The following ESRRG variants were observed in gnomAD, a reference collection of about 807,000 sequenced individuals.
ESRRG encodes the protein estrogen related receptor gamma.
ESRRG carries 13 observed loss-of-function variants against 44.0 expected under a neutral mutation model. The observed-to-expected ratio is 0.30, with a 90% CI of 0.19 to 0.47. The LOEUF (loss-of-function observed/expected upper bound fraction) is 0.47. ESRRG is among the 20% of genes least tolerant of loss of function. The pLI, the probability that ESRRG is intolerant of heterozygous loss-of-function variation, is 1.00. For missense variants in ESRRG, 395 were observed against 580.6 expected (o/e 0.68, Z 3.29); for synonymous variants, 215 against 214.6 (o/e 1.00, Z -0.02).
At chr1:216,655,305 C>T (rs1383181095) in intron 2 of ESRRG, among the ~76,000 whole-genome samples, 4 of 152,002 alleles carry the variant, frequency 2.6e-5, no homozygotes, top group Non-Finnish European at 5.9e-5. Context: ...GGAGACAAGA[C>T]GTGTAAATAA....
intron 2 of ESRRG, among the ~76,000 whole-genome samples, chr1:216,936,255 C>T (rs2064134986): frequency 6.6e-6 from 1 of 151,904 alleles, no homozygotes; most frequent in African/African-American, 2.4e-5. Flanking sequence ...CTTCTTGTAC[C>T]ATGTGTCCAA....
chr1:216,606,472 A>C (rs958851546), intron 3 of ESRRG, among the ~76,000 whole-genome samples: 4 of 152,176 alleles, frequency 2.6e-5, no homozygotes, highest in African/African-American at 9.7e-5. Flanking sequence ...ATATGTTTCA[A>C]ATTGGCCAGA....
intron 1 of ESRRG, among the ~76,000 whole-genome samples, chr1:216,945,000 GTTA>G (rs767319815): frequency 1.3e-5 from 2 of 152,036 alleles, no homozygotes; most frequent in Non-Finnish European, 2.9e-5. Context: ...GTCTCCAGTG[GTTA>G]TTATGACATA....
chr1:216,639,644 C>T lies in ESRRG; in HGVS notation c.589+11329G>A, dbSNP rs139912835. On this transcript the variant is annotated intron_variant, in intron 3 of 6. Coordinates refer to ENST00000408911, the MANE Select transcript of ESRRG (RefSeq NM_001438.4). ...CCCATATCCCCAAGACACATACAAA[C>T]GCTAGTAAAATGGTGCAGACATAAT... is the stretch of plus-strand genomic sequence containing the variant. Among the ~76,000 whole-genome samples, 473 of 152,198 alleles carry T rather than the reference C, an allele frequency of 3.1e-3. 2 individuals carry two copies. Among genetic ancestry groups the T allele is most frequent in the African/African-American group, 0.011 (456 of 41,530 alleles).
chr1:217,096,474 G>A (rs747590477), intron 1 of ESRRG, among the ~76,000 whole-genome samples: 1 of 152,098 alleles, frequency 6.6e-6, no homozygotes, highest in Admixed American at 6.6e-5. Context: ...CTGCTTTTGC[G>A]ACCCTGGGCA....
intron 5 of ESRRG, among the ~76,000 whole-genome samples, chr1:216,527,775 T>C (rs1448621652): frequency 3.3e-5 from 5 of 152,134 alleles, no homozygotes; most frequent in Admixed American, 3.3e-4. Context: ...CTGGGTAGCA[T>C]CTAAGGGCAC....
chr1:217,100,652 T>C (rs2092497188), intron 1 of ESRRG, among the ~76,000 whole-genome samples: 2 of 152,174 alleles, frequency 1.3e-5, no homozygotes, highest in Admixed American at 6.5e-5. Context: ...GGCACCTGCT[T>C]CTGGTGAGGC....
intron 1 of ESRRG, among the ~76,000 whole-genome samples, chr1:217,103,842 AT>A (rs1382950733): frequency 2.0e-5 from 3 of 151,944 alleles, no homozygotes; most frequent in South Asian, 2.1e-4. Flanking sequence ...GTGTCAGCAT[AT>A]TTTTTCTGTT....
intron 5 of ESRRG, among the ~76,000 whole-genome samples, chr1:216,541,327 G>T (rs1270182496): frequency 6.6e-6 from 1 of 151,922 alleles, no homozygotes; most frequent in Non-Finnish European, 1.5e-5. Flanking sequence ...ATATCAATTT[G>T]CAACAAAATG....
intron 2 of ESRRG, among the ~76,000 whole-genome samples, chr1:216,895,233 C>T (rs1454596008): frequency 6.6e-6 from 1 of 152,170 alleles, no homozygotes. Flanking sequence ...ACCCTGTCGC[C>T]ATTCCTTTCA....
intron 2 of ESRRG, among the ~76,000 whole-genome samples, chr1:216,931,717 A>G (rs1242215327): frequency 2.0e-5 from 3 of 152,080 alleles, no homozygotes; most frequent in African/African-American, 7.2e-5. Flanking sequence ...CTTGTCTATG[A>G]GCTGTGGGAA....
intron 3 of ESRRG, among the ~76,000 whole-genome samples, chr1:216,634,502 T>C (rs2064892369): frequency 6.6e-6 from 1 of 152,160 alleles, no homozygotes; most frequent in African/African-American, 2.4e-5. Context: ...GACTTTACAA[T>C]TCTCCCTAGA....
At chr1:216,991,379 G>A (rs1441502777) in intron 1 of ESRRG, among the ~76,000 whole-genome samples, 3 of 152,124 alleles carry the variant, frequency 2.0e-5, no homozygotes, top group East Asian at 1.9e-4. Context: ...TTTTGTTGTT[G>A]CTGCTGCTGC....
intron 2 of ESRRG, among the ~76,000 whole-genome samples, chr1:216,835,576 T>C (rs1439238468): frequency 6.6e-6 from 1 of 152,108 alleles, no homozygotes. Flanking sequence ...ACGGAGTCCT[T>C]CTCAGGCCAT....
chr1:216,940,739 C>T (rs1053995317), intron 1 of ESRRG, among the ~76,000 whole-genome samples: 1 of 152,148 alleles, frequency 6.6e-6, no homozygotes, highest in African/African-American at 2.4e-5. Flanking sequence ...TAAAGACACC[C>T]TTCAGACTGA....
At chr1:216,951,278 A>G (rs1273222133) in intron 1 of ESRRG, among the ~76,000 whole-genome samples, 1 of 152,214 alleles carries the variant, frequency 6.6e-6, no homozygotes. Flanking sequence ...GCCTTAATAC[A>G]GACATATTGC....
chr1:216,914,644 T>C (rs1203800539), intron 2 of ESRRG, among the ~76,000 whole-genome samples: 1 of 152,184 alleles, frequency 6.6e-6, no homozygotes, highest in Non-Finnish European at 1.5e-5. Flanking sequence ...TGCCAGTGGT[T>C]TGATCTTGCA....
At chr1:216,669,149 A>G (rs2074625556) in intron 2 of ESRRG, among the ~76,000 whole-genome samples, 1 of 152,092 alleles carries the variant, frequency 6.6e-6, no homozygotes, top group Admixed American at 6.6e-5. Context: ...GGCATGTGGC[A>G]CACAGATCCT....
At chr1:216,865,903 AAG>A (rs1316466430) in intron 2 of ESRRG, among the ~76,000 whole-genome samples, 1 of 152,156 alleles carries the variant, frequency 6.6e-6, no homozygotes, top group African/African-American at 2.4e-5. Flanking sequence ...TATATTGTAC[AAG>A]TTCCAGAGTC....
Sources: gnomAD v4.1 joint callset for allele counts (sites outside exome capture counted in the v4.1 genomes callset) on GRCh38, gnomAD v4.1.1 for gene constraint, MANE v1.5 for transcripts, NCBI Gene and HGNC (gene_info 2026-07-23, HGNC 2026-07-21) for gene names.